The following SLC4A7 variants were observed in gnomAD, a reference collection of about 807,000 sequenced individuals.
SLC4A7 encodes the protein solute carrier family 4 member 7.
A neutral mutation model predicts 137.6 loss-of-function variants in SLC4A7; 51 were observed. The observed-to-expected ratio is 0.37, with a 90% CI of 0.30 to 0.47. The LOEUF is 0.47. Ranked by LOEUF, SLC4A7 falls within the 20% of genes least tolerant of loss-of-function variation. SLC4A7 has a pLI of 1.00. For missense variants in SLC4A7, 1,247 were observed against 1,525.4 expected, an observed-to-expected ratio of 0.82 and a Z score of 3.04; for synonymous variants, 542 against 518.6, an observed-to-expected ratio of 1.05 and a Z score of -0.61.
Position 27,434,073 on chromosome 3 carries a change from G to C in SLC4A7, c.621C>G (p.Gly207=). Reference sequence around the variant, plus strand: ...TCTCTCGTATGGACTCGTCTAATTGGCCAGAAGCTATCATGTTGTCTAATA... The same window carrying C: ...TCTCTCGTATGGACTCGTCTAATTGCCCAGAAGCTATCATGTTGTCTAATA... ...DMVLDNMIAS[G]QLDESIRENV... Residue 207 remains glycine, a synonymous_variant, in exon 6 of 26, where the codon GGC becomes GGG. Transcript: ENST00000454389. 6.2e-7 allele frequency: 1 copy of C among 1,612,460 alleles called. No homozygotes were observed. The highest frequency in any genetic ancestry group is 8.5e-7 in the Non-Finnish European group (1 of 1,179,394).
rs543500043 is a variant in SLC4A7, at chr3:27,435,773, G to A, written c.589+615C>T. On this transcript the variant is annotated intron_variant, in intron 5 of 25. Transcript: ENST00000454389. ...GGGAGATCACTTGAGCCCAGGAGAC[G>A]GAGACTGCAGTAAGCCAAGATCGTG... Among the ~76,000 whole-genome samples, 15 of 152,154 alleles carry A rather than the reference G, an allele frequency of 9.9e-5. No individual in the cohort carries two copies. The East Asian group carries it at 1.4e-3, about 14-fold the overall frequency.
intron 1 of SLC4A7, chr3:27,462,816 T>TTAA: frequency 6.6e-6 from 1 of 152,316 alleles, no homozygotes; most frequent in Admixed American, 6.5e-5. Context: ...CTGGAGATGC[T>TTAA]TAACTATTTA....
intron 20 of SLC4A7, among the ~76,000 whole-genome samples, chr3:27,392,541 G>GT (rs1559644629): frequency 1.3e-5 from 2 of 152,112 alleles, no homozygotes; most frequent in African/African-American, 2.4e-5. Flanking sequence ...CGAAGCAGAC[G>GT]TATTTTAAAA....
At chr3:27,461,563 G>A (rs2058696230) in intron 1 of SLC4A7, among the ~76,000 whole-genome samples, 1 of 148,286 alleles carries the variant, frequency 6.7e-6, no homozygotes, top group African/African-American at 2.5e-5. Context: ...CTTGAGGATA[G>A]GATTTTGAGA....
chr3:27,432,303 A>G (rs947392462), intron 6 of SLC4A7, among the ~76,000 whole-genome samples: 1 of 152,172 alleles, frequency 6.6e-6, no homozygotes, highest in African/African-American at 2.4e-5. Flanking sequence ...TAAAGGATAC[A>G]TATTCTTGAG....
chr3:27,386,233 A>G (rs1172617102), intron 22 of SLC4A7, among the ~76,000 whole-genome samples: 5 of 151,756 alleles, frequency 3.3e-5, no homozygotes, highest in Admixed American at 2.0e-4. Flanking sequence ...AAGAGAGGAA[A>G]AAAGGAAATG....
chr3:27,388,022 A>T (rs559513864), intron 22 of SLC4A7, among the ~76,000 whole-genome samples: 37 of 152,268 alleles, frequency 2.4e-4, no homozygotes, highest in African/African-American at 8.4e-4. Flanking sequence ...GTTTTTGATC[A>T]TTGAGAGAGA....
intron 1 of SLC4A7, among the ~76,000 whole-genome samples, chr3:27,471,215 T>G (rs1240672299): frequency 6.6e-6 from 1 of 152,242 alleles, no homozygotes. Flanking sequence ...AAATTGTTTT[T>G]ACAAATTATT....
At chr3:27,476,352 A>C (rs1021871716) in intron 1 of SLC4A7, among the ~76,000 whole-genome samples, 2 of 152,236 alleles carry the variant, frequency 1.3e-5, no homozygotes, top group Non-Finnish European at 2.9e-5. Context: ...CAAGGAACCA[A>C]GGCAAGAAAT....
chr3:27,441,841 A>G (rs2057219360), intron 3 of SLC4A7, among the ~76,000 whole-genome samples: 1 of 151,154 alleles, frequency 6.6e-6, no homozygotes, highest in African/African-American at 2.4e-5. Flanking sequence ...TGTCCATTTC[A>G]TGTAAATTAT....
At chr3:27,437,263 A>G in intron 4 of SLC4A7, 125 bp downstream of exon 4, 1 of 474,082 alleles carries the variant, frequency 2.1e-6, no homozygotes, top group East Asian at 3.7e-5. Context: ...AGACAGGAAA[A>G]TCACTTGAAC....
intron 1 of SLC4A7, among the ~76,000 whole-genome samples, chr3:27,468,613 CT>C (rs2059107647): frequency 6.6e-6 from 1 of 151,888 alleles, no homozygotes; most frequent in South Asian, 2.1e-4. Context: ...GGTTCTAGAT[CT>C]AGTAAGATTG....
At chr3:27,473,415 C>A (rs1195904167) in intron 1 of SLC4A7, among the ~76,000 whole-genome samples, 1 of 152,020 alleles carries the variant, frequency 6.6e-6, no homozygotes, top group East Asian at 1.9e-4. Flanking sequence ...TGAGAAATCA[C>A]ATTTTTGTAA....
At chr3:27,461,842 G>T (rs1381928751) in intron 1 of SLC4A7, among the ~76,000 whole-genome samples, 1 of 151,412 alleles carries the variant, frequency 6.6e-6, no homozygotes, top group Non-Finnish European at 1.5e-5. Context: ...TGCTCCTGTA[G>T]TCCTGGCTAC....
At chr3:27,448,831 T>A in intron 2 of SLC4A7, 34 bp from the exon 3 acceptor site, 2 of 1,512,956 alleles carry the variant, frequency 1.3e-6, no homozygotes, top group Non-Finnish European at 8.9e-7. Context: ...TTACTAGCTT[T>A]CCAAAAGAGA....
At chr3:27,385,344 C>A (rs2050828879) in intron 23 of SLC4A7, among the ~76,000 whole-genome samples, 1 of 152,016 alleles carries the variant, frequency 6.6e-6, no homozygotes, top group African/African-American at 2.4e-5. Context: ...TCTCAGCATA[C>A]AAATCAACTA....
intron 1 of SLC4A7, among the ~76,000 whole-genome samples, chr3:27,476,227 T>G (rs1316303163): frequency 6.6e-6 from 1 of 152,218 alleles, no homozygotes; most frequent in Non-Finnish European, 1.5e-5. Context: ...AAATTTTCAT[T>G]TTAATGGTGC....
At chr3:27,422,569 C>T (rs979460303) in intron 8 of SLC4A7, among the ~76,000 whole-genome samples, 1 of 152,064 alleles carries the variant, frequency 6.6e-6, no homozygotes, top group African/African-American at 2.4e-5. Context: ...ATGCCTGGCC[C>T]CTTGTTTTTA....
At chr3:27,461,606 CAAAAAA>C (rs200548018) in intron 1 of SLC4A7, among the ~76,000 whole-genome samples, 52 of 86,800 alleles carry the variant, frequency 6.0e-4, no homozygotes, top group Non-Finnish European at 8.4e-4. Context: ...ACCTCGTTTA[CAAAAAA>C]AAAAAAAAAA....
Sources: gnomAD v4.1 joint callset for allele counts (sites outside exome capture counted in the v4.1 genomes callset) on GRCh38, gnomAD v4.1.1 for gene constraint, MANE v1.5 for transcripts, NCBI Gene and HGNC (gene_info 2026-07-23, HGNC 2026-07-21) for gene names.